The following SIL1 variants were observed in gnomAD, a reference collection of about 807,000 sequenced individuals.
SIL1 encodes the protein SIL1 nucleotide exchange factor.
In SIL1, 40 loss-of-function variants were observed where a neutral mutation model predicts 49.1. The ratio of observed to expected loss-of-function variants is 0.81; its 90% CI spans 0.63 to 1.06. SIL1 has a LOEUF of 1.06. Among genes scored for constraint, SIL1 ranks in the 50% least tolerant of loss-of-function variants. The probability of loss-of-function intolerance (pLI) is 0.00; values close to 1 mark genes in which losing one functional copy is unlikely to be tolerated. For synonymous variants in SIL1, 253 were observed against 250.8 expected (o/e 1.01, Z -0.08); for missense variants, 500 against 572.6 (o/e 0.87, Z 1.29).
intron 1 of SIL1, 121 bp downstream of exon 1, chr5:139,198,148 G>A (rs985128714): frequency 9.2e-5 from 14 of 152,344 alleles, no homozygotes; most frequent in African/African-American, 3.4e-4. Context: ...ACACTAGTGA[G>A]GATGTGTGGG....
intron 3 of SIL1, among the ~76,000 whole-genome samples, chr5:139,084,842 A>AC: frequency 6.6e-6 from 1 of 152,348 alleles, no homozygotes; most frequent in East Asian, 1.9e-4. Context: ...ATATATTCTC[A>AC]CACTGTAATT....
chr5:139,099,286 T>A (rs1262128296), intron 3 of SIL1, among the ~76,000 whole-genome samples: 2 of 152,134 alleles, frequency 1.3e-5, no homozygotes, highest in African/African-American at 4.8e-5. Context: ...TAGCAAATGC[T>A]GGAGAGGATG....
At chr5:139,140,640 G>A (rs988425558) in intron 1 of SIL1, among the ~76,000 whole-genome samples, 4 of 152,102 alleles carry the variant, frequency 2.6e-5, no homozygotes, top group South Asian at 2.1e-4. Context: ...CATAACTCAC[G>A]GCTTTCACAA....
At chr5:138,984,672 T>C (rs1051439249) in intron 7 of SIL1, among the ~76,000 whole-genome samples, 2 of 152,152 alleles carry the variant, frequency 1.3e-5, no homozygotes, top group Non-Finnish European at 2.9e-5. Context: ...TATGCATTCT[T>C]GAGGCCTGTG....
intron 3 of SIL1, among the ~76,000 whole-genome samples, chr5:139,118,025 G>A (rs1561868933): frequency 6.6e-6 from 1 of 152,176 alleles, no homozygotes; most frequent in Non-Finnish European, 1.5e-5. Flanking sequence ...AGAGCCCTGA[G>A]GGGACAGAAG....
At chr5:139,102,398 TTTG>T (rs150956478) in intron 3 of SIL1, among the ~76,000 whole-genome samples, 6 of 151,884 alleles carry the variant, frequency 4.0e-5, no homozygotes, top group Non-Finnish European at 7.4e-5. Context: ...TTTGGGTGAT[TTTG>T]TTGTTGTTGT....
intron 2 of SIL1, among the ~76,000 whole-genome samples, chr5:139,125,286 C>A (rs541474542): frequency 9.1e-4 from 138 of 152,332 alleles, no homozygotes; most frequent in African/African-American, 3.3e-3. Flanking sequence ...CTATCACCAT[C>A]ATTCCAAATA....
chr5:139,082,873 C>T (rs1437206405), intron 3 of SIL1, among the ~76,000 whole-genome samples: 1 of 152,192 alleles, frequency 6.6e-6, no homozygotes, highest in African/African-American at 2.4e-5. Context: ...CCCATCAGAT[C>T]AGCCCCATCA....
intron 3 of SIL1, among the ~76,000 whole-genome samples, chr5:139,071,977 T>C (rs1769844584): frequency 6.6e-6 from 1 of 152,198 alleles, no homozygotes; most frequent in African/African-American, 2.4e-5. Flanking sequence ...CAAATTTTTA[T>C]TTATTTAATT....
At chr5:138,949,239 C>T (rs760826392) in intron 9 of SIL1, among the ~76,000 whole-genome samples, 3 of 152,244 alleles carry the variant, frequency 2.0e-5, no homozygotes, top group Non-Finnish European at 2.9e-5. Context: ...AGGCAGGCAT[C>T]TCACCACTGC....
At chr5:139,019,907 G>T (rs1029421168) in intron 7 of SIL1, among the ~76,000 whole-genome samples, 3 of 145,778 alleles carry the variant, frequency 2.1e-5, no homozygotes, top group Non-Finnish European at 4.7e-5. Context: ...GTGAGCTTTA[G>T]TAAGTTCTCA....
chr5:138,953,397 C>G (rs192738738), intron 7 of SIL1: 1 of 152,396 alleles, frequency 6.6e-6, no homozygotes, highest in Non-Finnish European at 1.5e-5. Context: ...AGATAGCTCC[C>G]CACTTCTATT....
intron 1 of SIL1, among the ~76,000 whole-genome samples, chr5:139,135,005 C>T (rs367861627): frequency 6.6e-5 from 10 of 152,220 alleles, no homozygotes; most frequent in East Asian, 1.9e-4. Context: ...GGGAGAACAA[C>T]GTGCAAAGGC....
At chr5:139,182,158 C>T (rs1412102422) in intron 1 of SIL1, among the ~76,000 whole-genome samples, 1 of 152,180 alleles carries the variant, frequency 6.6e-6, no homozygotes, top group African/African-American at 2.4e-5. Flanking sequence ...CTCCTTCAGC[C>T]TCAACACGCT....
intron 3 of SIL1, 31 bp downstream of exon 3, chr5:139,121,004 T>C: frequency 6.2e-7 from 1 of 1,613,244 alleles, no homozygotes. Context: ...ATTCAAAGTG[T>C]GTTTTGTGGG....
At chr5:139,193,842 AAG>A (rs1324503405) in intron 1 of SIL1, among the ~76,000 whole-genome samples, 1 of 152,148 alleles carries the variant, frequency 6.6e-6, no homozygotes, top group Non-Finnish European at 1.5e-5. Flanking sequence ...CACTCTTCTC[AAG>A]AGAGAGATCA....
chr5:139,015,714 A>G lies in SIL1; in HGVS notation c.767+5457T>C, dbSNP rs113771742. Among the ~76,000 whole-genome samples the G allele has an allele frequency of 7.0e-4, 106 of 152,354 alleles. 1 individual carries two copies. Among genetic ancestry groups the G allele is most frequent in the African/African-American group, 2.5e-3 (102 of 41,580 alleles). ...CTCCTTACTATGTTATTATAAGAAC[A>G]AAATCCTTCCCAGAGGCTTCCAAGC... is the stretch of plus-strand genomic sequence containing the variant. On this transcript the variant is annotated intron_variant, in intron 7 of 9. Coordinates refer to ENST00000394817, the MANE Select transcript of SIL1 (RefSeq NM_022464.5).
intron 7 of SIL1, among the ~76,000 whole-genome samples, chr5:138,993,143 A>G (rs1316579219): frequency 6.6e-6 from 1 of 152,142 alleles, no homozygotes. Context: ...TTATAAGCAG[A>G]AGCATCATTT....
chr5:139,033,160 A>AT (rs762113314), intron 5 of SIL1, among the ~76,000 whole-genome samples: 12 of 151,358 alleles, frequency 7.9e-5, no homozygotes, highest in Non-Finnish European at 1.3e-4. Context: ...TGCCTGGCTC[A>AT]TTTTTTTTAC....
Sources: gnomAD v4.1 joint callset for allele counts (sites outside exome capture counted in the v4.1 genomes callset) on GRCh38, gnomAD v4.1.1 for gene constraint, MANE v1.5 for transcripts, NCBI Gene and HGNC (gene_info 2026-07-23, HGNC 2026-07-21) for gene names.